The following ARHGEF18 variants were observed in gnomAD, a reference collection of about 807,000 sequenced individuals.
The protein encoded by ARHGEF18 is Rho/Rac guanine nucleotide exchange factor 18.
Under a neutral mutation model 155.7 loss-of-function variants are expected in ARHGEF18, and 93 were observed. That is an observed-to-expected ratio of 0.60 (90% CI 0.50 to 0.71). The LOEUF (loss-of-function observed/expected upper bound fraction) is 0.71. Ranked by LOEUF, ARHGEF18 falls within the 30% of genes least tolerant of loss-of-function variation. ARHGEF18 has a pLI of 0.00. For missense variants in ARHGEF18, 1,593 were observed against 1,816.1 expected (o/e 0.88, Z 2.23); for synonymous variants, 742 against 753.1 (o/e 0.99, Z 0.24).
intron 10 of ARHGEF18, among the ~76,000 whole-genome samples, chr19:7,384,455 G>A (rs1214134039): frequency 1.3e-5 from 2 of 152,200 alleles, no homozygotes; most frequent in African/African-American, 2.4e-5. Context: ...TCTGAGCAAC[G>A]TGCCTTGCAG....
intron 1 of ARHGEF18, among the ~76,000 whole-genome samples, chr19:7,352,116 C>T (rs1016609865): frequency 6.6e-6 from 1 of 152,098 alleles, no homozygotes; most frequent in East Asian, 1.9e-4. Context: ...TGATTAAATG[C>T]CAGGCCTTGT....
intron 2 of ARHGEF18, among the ~76,000 whole-genome samples, chr19:7,368,366 C>T (rs1015100585): frequency 6.6e-6 from 1 of 152,100 alleles, no homozygotes; most frequent in African/African-American, 2.4e-5. Context: ...TTTGGGGTGT[C>T]AGGGCCAGCA....
intron 10 of ARHGEF18, among the ~76,000 whole-genome samples, chr19:7,392,314 CTCCT>C (rs1448386644): frequency 6.7e-6 from 1 of 150,304 alleles, no homozygotes; most frequent in South Asian, 2.1e-4. Context: ...GGAGATGTTT[CTCCT>C]TCCTAGTTGT....
rs1243882936 is a variant in ARHGEF18 at position 7,463,743 on chromosome 19, C to G, written c.2636-75C>G. ...AGTCCCTCCGTCCACCCGGGTCTCG[C>G]TGCCCCAGCGCTCCGTATTCCCCCA... On this transcript the variant is annotated intron_variant, in intron 21 of 28. Coordinates refer to ENST00000668164, the MANE Select transcript of ARHGEF18 (RefSeq NM_001367823.1). This position sits in a 1 kb window ranked among gnomAD's most constrained non-coding sequence, Gnocchi z 5.2. The G allele has an allele frequency of 6.8e-7, 1 of 1,474,286 alleles. No homozygotes were observed. Among genetic ancestry groups the G allele is most frequent in the East Asian group, 2.5e-5 (1 of 40,446 alleles). 91.3% of individuals were successfully genotyped at this position (1,474,286 alleles called of 1,614,324 possible). A position where few individuals can be genotyped will look rare whatever the true frequency, so the allele number is the denominator to read the frequency against.
At chr19:7,390,087 T>C (rs1329169354) in intron 10 of ARHGEF18, among the ~76,000 whole-genome samples, 1 of 152,090 alleles carries the variant, frequency 6.6e-6, no homozygotes, top group Non-Finnish European at 1.5e-5. Context: ...TCCTAGCTAC[T>C]CGGGAGGCTG....
chr19:7,355,815 G>A, intron 1 of ARHGEF18: 1 of 582,808 alleles, frequency 1.7e-6, no homozygotes, highest in Non-Finnish European at 2.2e-6. Context: ...AGACTCTGCT[G>A]GCATCGGCCC....
downstream of ARHGEF18, chr19:7,477,376 TG>T: frequency 6.4e-7 from 1 of 1,554,590 alleles, no homozygotes; most frequent in Non-Finnish European, 8.7e-7. Flanking sequence ...TGCTGAGAAG[TG>T]ACAGCGCCTC....
intron 2 of ARHGEF18, among the ~76,000 whole-genome samples, chr19:7,370,336 A>C (rs974296877): frequency 1.4e-4 from 22 of 152,224 alleles, no homozygotes; most frequent in African/African-American, 3.6e-4. Context: ...TCTACTAAAA[A>C]TACAAAAAAA....
In ARHGEF18 at chr19:7,441,900, C is replaced by T; in HGVS notation, c.1220-12C>T. On this transcript the variant is annotated splice_polypyrimidine_tract_variant and intron_variant, in intron 12 of 28. Transcript: ENST00000668164. ...CTGGGCCCCCAGCAGCCACACCTCG[C>T]TCTTCCCTCAGATCCCTACACCGCC... 1 of 1,613,980 alleles carries T rather than the reference C, an allele frequency of 6.2e-7. No homozygotes were observed. The highest frequency in any genetic ancestry group is 8.5e-7 in the Non-Finnish European group (1 of 1,179,952).
intron 10 of ARHGEF18, among the ~76,000 whole-genome samples, chr19:7,407,037 C>A (rs1972357999): frequency 6.8e-6 from 1 of 147,712 alleles, no homozygotes; most frequent in African/African-American, 2.5e-5. Flanking sequence ...TGCACTCCAG[C>A]CTGGGCGACA....
At position 7,355,547 on chromosome 19, in the gene ARHGEF18, C is replaced by G. The variant is rs1015403504; in HGVS notation, c.-111+6306C>G. The G allele has an allele frequency of 6.6e-5, 59 of 896,120 alleles. 1 individual carries two copies. In the African/African-American group the frequency reaches 1.1e-3, roughly 16 times the overall value. 55.5% of individuals were successfully genotyped at this position (896,120 alleles called of 1,614,324 possible). A position where few individuals can be genotyped will look rare whatever the true frequency, so the allele number is the denominator to read the frequency against. Reference sequence around the variant, plus strand: ...TGGCAGACCTTGGAGGCAGTCTCCGCCCCTCTTACTGGCAGCCCCATCCTG... The same window carrying G: ...TGGCAGACCTTGGAGGCAGTCTCCGGCCCTCTTACTGGCAGCCCCATCCTG... On this transcript the variant is annotated intron_variant, in intron 1 of 28. Transcript: ENST00000668164.
rs1317381063 is a variant in ARHGEF18, at chr19:7,453,821, A to T, written c.2104+106A>T. 2.9e-6 allele frequency: 4 copies of T among 1,384,478 alleles called. No individual in the cohort carries two copies. In the East Asian group the frequency reaches 7.3e-5, roughly 25 times the overall value. The allele number at this position is 1,384,478 out of a possible 1,614,324, so 85.8% of individuals were successfully genotyped here. A position where few individuals can be genotyped will look rare whatever the true frequency, so the allele number is the denominator to read the frequency against. ...TAGATTAGTGGCACCATCTTGTATC[A>T]GTGGGTACCATCTTGGAGAGGTGGT... On this transcript the variant is annotated intron_variant, in intron 17 of 28. Coordinates refer to ENST00000668164, the MANE Select transcript of ARHGEF18 (RefSeq NM_001367823.1).
chr19:7,477,367 G>GCT, downstream of ARHGEF18: 1 of 1,559,684 alleles, frequency 6.4e-7, no homozygotes, highest in Non-Finnish European at 8.7e-7. Context: ...CGGCCAGGTT[G>GCT]CTGAGAAGTG....
chr19:7,436,584 T>A (rs1050681166), intron 10 of ARHGEF18, among the ~76,000 whole-genome samples: 1 of 152,256 alleles, frequency 6.6e-6, no homozygotes, highest in East Asian at 1.9e-4. Flanking sequence ...AGCCAGATGC[T>A]ATTTTTAGTG....
At chr19:7,376,875 C>T in intron 5 of ARHGEF18, 118 bp downstream of exon 5, 2 of 699,614 alleles carry the variant, frequency 2.9e-6, no homozygotes, top group South Asian at 7.6e-5. Context: ...CTTGGTGGGG[C>T]TCCAGATGGG....
chr19:7,413,755 T>C (rs887128021), intron 10 of ARHGEF18, among the ~76,000 whole-genome samples: 1 of 151,936 alleles, frequency 6.6e-6, no homozygotes, highest in Admixed American at 6.6e-5. Context: ...CTCCAAAAAA[T>C]AAACAAACAA....
chr19:7,466,814 AAAAAAAAAAAAAGTT>A, intron 23 of ARHGEF18, 89 bp from the exon 24 acceptor site: 1 of 1,083,150 alleles, frequency 9.2e-7, no homozygotes, highest in Non-Finnish European at 1.3e-6. Context: ...CAAAAAAAAA[AAAAAAAAAAAAAGTT>A]AAAAAAAAAG....
chr19:7,434,020 TA>T (rs74939736), intron 10 of ARHGEF18, among the ~76,000 whole-genome samples: 191 of 82,196 alleles, frequency 2.3e-3, no homozygotes, highest in Admixed American at 2.3e-3. Context: ...TCTGTCTCAT[TA>T]AAAAAAAAAA....
intron 18 of ARHGEF18, among the ~76,000 whole-genome samples, chr19:7,457,163 G>A (rs1600513075): frequency 6.6e-6 from 1 of 152,074 alleles, no homozygotes; most frequent in South Asian, 2.1e-4. Flanking sequence ...CCAAGATGAA[G>A]GTATCAGCAG....
Sources: gnomAD v4.1 joint callset for allele counts (sites outside exome capture counted in the v4.1 genomes callset) on GRCh38, gnomAD v4.1.1 for gene constraint, Gnocchi (gnomAD v3.1) non-coding constraint, MANE v1.5 for transcripts, NCBI Gene and HGNC (gene_info 2026-07-23, HGNC 2026-07-21) for gene names.